TMCC1: variants seen among roughly 807,000 people sequenced by gnomAD.
TMCC1 encodes the protein transmembrane and coiled-coil domains protein 1.
TMCC1 carries 15 observed loss-of-function variants against 52.4 expected under a neutral mutation model. The ratio of observed to expected loss-of-function variants is 0.29; its 90% CI spans 0.19 to 0.44. The LOEUF (loss-of-function observed/expected upper bound fraction) is 0.44. Among genes scored for constraint, TMCC1 ranks in the 20% least tolerant of loss-of-function variants. The pLI, the probability that TMCC1 is intolerant of heterozygous loss-of-function variation, is 1.00. For missense variants in TMCC1, 503 were observed against 806.0 expected (o/e 0.62, Z 4.55); for synonymous variants, 279 against 301.9 (o/e 0.92, Z 0.79).
At chr3:129,825,667 T>C (rs1237720866) in intron 4 of TMCC1, among the ~76,000 whole-genome samples, 1 of 152,100 alleles carries the variant, frequency 6.6e-6, no homozygotes, top group Non-Finnish European at 1.5e-5. Context: ...TTACACTAAA[T>C]GAAAGAAGTC....
chr3:129,821,897 A>C (rs879208746), intron 4 of TMCC1, among the ~76,000 whole-genome samples: 2 of 151,930 alleles, frequency 1.3e-5, no homozygotes, highest in Non-Finnish European at 2.9e-5. Flanking sequence ...AAACTCCTCT[A>C]CAAAAAAATA....
intron 4 of TMCC1, among the ~76,000 whole-genome samples, chr3:129,744,776 C>A (rs1157207576): frequency 6.6e-6 from 1 of 152,146 alleles, no homozygotes; most frequent in East Asian, 1.9e-4. Flanking sequence ...TACTACCACC[C>A]TTCACTCAAA....
At chr3:129,880,634 C>T (rs1344035206) in intron 1 of TMCC1, 75 bp from the exon 2 acceptor site, 1 of 152,266 alleles carries the variant, frequency 6.6e-6, no homozygotes, top group East Asian at 1.9e-4. Flanking sequence ...CAATGACAGG[C>T]TGAGCATCCC....
intron 4 of TMCC1, among the ~76,000 whole-genome samples, chr3:129,677,098 T>TA (rs550686592): frequency 0.13 from 17,939 of 141,020 alleles, 1,248 homozygotes; most frequent in East Asian, 0.2. Context: ...ACCCTGTCTC[T>TA]AAAAAAAAAA....
intron 4 of TMCC1, among the ~76,000 whole-genome samples, chr3:129,797,337 A>AC (rs894965294): frequency 1.3e-5 from 2 of 150,810 alleles, no homozygotes; most frequent in African/African-American, 4.9e-5. Flanking sequence ...AACAAAAAAA[A>AC]AAAACACGTA....
intron 4 of TMCC1, among the ~76,000 whole-genome samples, chr3:129,760,401 AGTGTGTGTGTGTGTGT>A (rs200322394): frequency 2.9e-5 from 4 of 137,874 alleles, no homozygotes; most frequent in Non-Finnish European, 6.2e-5. Context: ...ACGCCAGGCT[AGTGTGTGTGTGTGTGT>A]GTGTGTGTGT....
chr3:129,760,423 TG>T (rs1560352434), intron 4 of TMCC1, among the ~76,000 whole-genome samples: 2 of 149,456 alleles, frequency 1.3e-5, no homozygotes, highest in Non-Finnish European at 3.0e-5. Context: ...TGTGTGTGTG[TG>T]TGTGTGTGTG....
intron 2 of TMCC1, among the ~76,000 whole-genome samples, chr3:129,866,645 G>A (rs1328939685): frequency 6.6e-6 from 1 of 151,918 alleles, no homozygotes; most frequent in East Asian, 1.9e-4. Context: ...CCAAAGTGCT[G>A]GGATTACAGG....
Position 129,651,492 on chromosome 3 carries a change from A to G in TMCC1, c.1951T>C (p.Ser651Pro), listed in dbSNP as rs1412212668. 6.2e-7 allele frequency: 1 copy of G among 1,613,434 alleles called. No individual in the cohort carries two copies. Among genetic ancestry groups the G allele is most frequent in the Admixed American group, 1.7e-5 (1 of 59,990 alleles). ...CTTCTGTGCCAGCATCATCTAGGGG[A>G]TGAAAAGAACCGTTCCACATAGCTG... is the stretch of plus-strand genomic sequence containing the variant. ...LFSYVERFFS[S>P]PR is the part of the protein sequence containing the mutation. The change falls in exon 7 of 7, where the codon TCC (serine) becomes CCC (proline). Residue 651 changes from serine to proline, a missense_variant. Ser to Pro is a moderately conservative substitution (Grantham distance 74). Coordinates refer to ENST00000393238, the MANE Select transcript of TMCC1 (RefSeq NM_001017395.5). The surrounding 1 kb of genome is among the most constrained non-coding windows in gnomAD (Gnocchi z 5.1).
intron 1 of TMCC1, among the ~76,000 whole-genome samples, chr3:129,883,239 G>A (rs2061545086): frequency 6.6e-6 from 1 of 152,160 alleles, no homozygotes; most frequent in Non-Finnish European, 1.5e-5. Context: ...TTGAACCCGG[G>A]AGGCGGAGGT....
At position 129,676,982 on chromosome 3, in the gene TMCC1, G is replaced by C. The variant is rs1330772026; in HGVS notation, c.577-5718C>G. ...TGTAACTAGAAAAAATTAATAAATT[G>C]ACCAGGTGTGGTGGCTCATGCCTCT... On this transcript the variant is annotated intron_variant, in intron 4 of 6. Transcript: ENST00000393238. Among the ~76,000 whole-genome samples, 5 of 151,924 alleles carry C rather than the reference G, an allele frequency of 3.3e-5. No homozygotes were observed. The East Asian group carries it at 9.6e-4, about 29-fold the overall frequency.
intron 4 of TMCC1, among the ~76,000 whole-genome samples, chr3:129,727,764 T>G (rs1355124524): frequency 6.6e-6 from 1 of 152,230 alleles, no homozygotes; most frequent in African/African-American, 2.4e-5. Flanking sequence ...TTGGTACTGA[T>G]GCCCCACGTA....
intron 1 of TMCC1, among the ~76,000 whole-genome samples, chr3:129,880,773 A>G (rs1042053156): frequency 6.6e-6 from 1 of 152,136 alleles, no homozygotes; most frequent in Non-Finnish European, 1.5e-5. Context: ...TGCTCAACTG[A>G]TAAGTATAAT....
At chr3:129,776,565 A>AG (rs781043027) in intron 4 of TMCC1, among the ~76,000 whole-genome samples, 1 of 152,258 alleles carries the variant, frequency 6.6e-6, no homozygotes, top group Non-Finnish European at 1.5e-5. Flanking sequence ...GAAGGGCCAG[A>AG]GAAAAAAAGG....
In TMCC1 at chr3:129,893,636, A is replaced by AGCCGCCGCCGCCTCAGTCACCGCCACC. The variant is rs1277449862; in HGVS notation, c.-604_-578dup. On this transcript the variant is annotated 5_prime_UTR_variant, in exon 1 of 7. Coordinates refer to ENST00000393238, the MANE Select transcript of TMCC1 (RefSeq NM_001017395.5). ...CCCGACCCTCCCCCCGCGCCGCCTC[A>AGCCGCCGCCGCCTCAGTCACCGCCACC]GCCGCCGCCGCCTCAGTCACCGCCA... 7.5e-6 allele frequency: 1 copy of AGCCGCCGCCGCCTCAGTCACCGCCACC among 133,860 alleles called. No homozygotes were observed. The highest frequency in any genetic ancestry group is 1.6e-5 in the Non-Finnish European group (1 of 60,908). The allele number at this position is 133,860 out of a possible 1,614,324, so 8.3% of individuals were successfully genotyped here. A position where few individuals can be genotyped will look rare whatever the true frequency, so the allele number is the denominator to read the frequency against.
At chr3:129,798,025 C>T (rs1576890132) in intron 4 of TMCC1, among the ~76,000 whole-genome samples, 1 of 140,772 alleles carries the variant, frequency 7.1e-6, no homozygotes, top group South Asian at 2.4e-4. Flanking sequence ...GACGAAGTCT[C>T]GCTCTTGTCC....
At chr3:129,806,427 A>T (rs2057469456) in intron 4 of TMCC1, among the ~76,000 whole-genome samples, 1 of 152,164 alleles carries the variant, frequency 6.6e-6, no homozygotes, top group Non-Finnish European at 1.5e-5. Context: ...AATTACCACC[A>T]CCATCATCCA....
At chr3:129,888,737 A>T (rs2061833922) in intron 1 of TMCC1, among the ~76,000 whole-genome samples, 1 of 152,182 alleles carries the variant, frequency 6.6e-6, no homozygotes, top group Non-Finnish European at 1.5e-5. Flanking sequence ...CATAGTGACA[A>T]TTTTCCAGAG....
At chr3:129,837,829 T>G (rs2059234438) in intron 2 of TMCC1, among the ~76,000 whole-genome samples, 1 of 151,902 alleles carries the variant, frequency 6.6e-6, no homozygotes, top group Non-Finnish European at 1.5e-5. Flanking sequence ...TTATAAAAAA[T>G]CAAGTGGAAA....
Sources: gnomAD v4.1 joint callset for allele counts (sites outside exome capture counted in the v4.1 genomes callset) on GRCh38, gnomAD v4.1.1 for gene constraint, Gnocchi (gnomAD v3.1) non-coding constraint, MANE v1.5 for transcripts, NCBI Gene and HGNC (gene_info 2026-07-23, HGNC 2026-07-21) for gene names.